The following ATXN2 variants were observed in gnomAD, a reference collection of about 807,000 sequenced individuals.
ATXN2 encodes ataxin 2, also known as ataxin-2.
In ATXN2, 37 loss-of-function variants were observed where a neutral mutation model predicts 138.6. The ratio of observed to expected loss-of-function variants is 0.27; its 90% CI spans 0.21 to 0.35. The LOEUF (loss-of-function observed/expected upper bound fraction) is 0.35, where lower values mean the gene tolerates loss of function less well. Ranked by LOEUF, ATXN2 falls within the 10% of genes least tolerant of loss-of-function variation. The pLI is 1.00. For synonymous variants in ATXN2, 549 were observed against 543.7 expected (o/e 1.01, Z -0.13); for missense variants, 1,216 against 1,480.3 (o/e 0.82, Z 2.93).
intron 18 of ATXN2, among the ~76,000 whole-genome samples, chr12:111,475,800 G>A (rs11065918): frequency 6.6e-6 from 1 of 152,080 alleles, no homozygotes; most frequent in African/African-American, 2.4e-5. Context: ...GAGTGGATGA[G>A]AAGGTAGTCC....
chr12:111,533,789 A>G (rs1880984854), intron 5 of ATXN2, among the ~76,000 whole-genome samples: 1 of 152,142 alleles, frequency 6.6e-6, no homozygotes, highest in African/African-American at 2.4e-5. Context: ...AGCCTCCCTA[A>G]GTGCTGGAAT....
rs1874857318 is a variant in ATXN2, at chr12:111,453,773, G to A, written c.3343C>T (p.Pro1115Ser). 1.2e-6 allele frequency: 2 copies of A among 1,614,160 alleles called. No homozygotes were observed. Among genetic ancestry groups the A allele is most frequent in the Non-Finnish European group, 8.5e-7 (1 of 1,180,000 alleles). ...AGGGCGGCCTGGGGACCGCCGGGTG[G>A]CTGTGTCGTCATTAGCATCATTGGC... ...HAPMMLMTTQPPGGPQAALAQ... is the reference protein window; with the variant it reads ...HAPMMLMTTQSPGGPQAALAQ... The change falls in exon 24 of 25, where the codon CCA (proline) becomes TCA (serine). Residue 1115 changes from proline to serine, a missense_variant. By Grantham distance (74) the Pro-to-Ser change is moderately conservative. Coordinates refer to ENST00000673436, the MANE Select transcript of ATXN2 (RefSeq NM_001372574.1). This position sits in a 1 kb window ranked among gnomAD's most constrained non-coding sequence, Gnocchi z 5.4.
rs1233666878 is a variant in ATXN2, at chr12:111,513,254, A to G, written c.1558+103T>C. 3.0e-6 allele frequency: 4 copies of G among 1,311,884 alleles called. No individual in the cohort carries two copies. The Admixed American group carries it at 1.1e-4, about 35-fold the overall frequency. 81.3% of individuals were successfully genotyped at this position (1,311,884 alleles called of 1,614,324 possible). A position where few individuals can be genotyped will look rare whatever the true frequency, so the allele number is the denominator to read the frequency against. ...TCCTGGTGATTCTACTATTTTTAACATATACATACTTACACTTCCTCAAAC... is the reference window on the plus strand; with the variant it reads ...TCCTGGTGATTCTACTATTTTTAACGTATACATACTTACACTTCCTCAAAC... On this transcript the variant is annotated intron_variant, in intron 11 of 24. Coordinates refer to ENST00000673436, the MANE Select transcript of ATXN2 (RefSeq NM_001372574.1).
chr12:111,561,817 TTC>T (rs1882703916), intron 1 of ATXN2, among the ~76,000 whole-genome samples: 1 of 151,582 alleles, frequency 6.6e-6, no homozygotes, highest in African/African-American at 2.4e-5. Flanking sequence ...GACTCCGTCT[TTC>T]TGTTTTTTTT....
At position 111,485,770 on chromosome 12, in the gene ATXN2, C is replaced by T. The variant is rs756316577; in HGVS notation, c.2400G>A (p.Gln800=). 5.0e-6 allele frequency: 8 copies of T among 1,614,084 alleles called. No individual in the cohort carries two copies. Among genetic ancestry groups the T allele is most frequent in the African/African-American group, 1.3e-5 (1 of 75,012 alleles). Residue 800 remains glutamine, a synonymous_variant, in exon 17 of 25, where the codon CAG becomes CAA. Coordinates refer to ENST00000673436, the MANE Select transcript of ATXN2 (RefSeq NM_001372574.1). The part of the protein sequence containing the change: ...GHQQPTPVYT[Q]PVCFAPNMMY... ...TCATATTTGGTGCAAAACAAACAGG[C>T]TGAGTATAAACTGGAGTTGGCTGTT...
rs1430249837 is a variant in ATXN2, at chr12:111,456,167, T to C, written c.3132A>G (p.Pro1044=). 1 of 1,614,004 alleles carries C rather than the reference T, an allele frequency of 6.2e-7. No homozygotes were observed. Among genetic ancestry groups the C allele is most frequent in the East Asian group, 2.2e-5 (1 of 44,880 alleles). ...TGTTGGAGGCAGGTGTCATGGAGGG[T>C]GGAGTTGGCGCAAGCCCCGCGTGGT... ...AIYHAGLAPT[P]PSMTPASNTQ... The change falls in exon 23 of 25, where the codon CCA becomes CCG. Residue 1044 remains proline, a synonymous_variant. Transcript: ENST00000673436.
Position 111,485,377 on chromosome 12 carries a change from T to A in ATXN2, c.2458-46A>T. On this transcript the variant is annotated intron_variant, in intron 17 of 24. Coordinates refer to ENST00000673436, the MANE Select transcript of ATXN2 (RefSeq NM_001372574.1). ...AATTAACATTAGGCACCTATGATAA[T>A]AACAAGGTATTCTGTCACTCTTAGT... 3 of 1,513,094 alleles carry A rather than the reference T, an allele frequency of 2.0e-6. No individual in the cohort carries two copies. The South Asian group carries it at 3.4e-5, about 17-fold the overall frequency. The allele number at this position is 1,513,094 out of a possible 1,614,324, so 93.7% of individuals were successfully genotyped here.
At chr12:111,586,350 T>G (rs941899648) in intron 1 of ATXN2, among the ~76,000 whole-genome samples, 1 of 150,556 alleles carries the variant, frequency 6.6e-6, no homozygotes, top group South Asian at 2.1e-4. Context: ...GCCTCCCAAG[T>G]AGCTGGGATT....
At chr12:111,519,182 T>C (rs1880022229) in intron 8 of ATXN2, among the ~76,000 whole-genome samples, 1 of 152,184 alleles carries the variant, frequency 6.6e-6, no homozygotes, top group African/African-American at 2.4e-5. Context: ...GCACTAACTG[T>C]TCTCTGTGTC....
chr12:111,465,736 C>T (rs533975624), intron 20 of ATXN2, among the ~76,000 whole-genome samples: 1 of 121,326 alleles, frequency 8.2e-6, no homozygotes, highest in Admixed American at 1.1e-4. Flanking sequence ...CACCGCTGCA[C>T]TTCAGAATGG....
At chr12:111,532,593 T>C (rs2135756518) in intron 5 of ATXN2, among the ~76,000 whole-genome samples, 1 of 152,292 alleles carries the variant, frequency 6.6e-6, no homozygotes, top group East Asian at 1.9e-4. Flanking sequence ...TACTAGTTGT[T>C]TGTTGCCCAT....
chr12:111,526,624 C>T (rs950021765), intron 5 of ATXN2, among the ~76,000 whole-genome samples: 2 of 151,950 alleles, frequency 1.3e-5, no homozygotes, highest in Admixed American at 1.3e-4. Flanking sequence ...AGGCTGGTCT[C>T]GAACTCCTGA....
chr12:111,484,430 T>TTTTG (rs199755294), intron 18 of ATXN2, among the ~76,000 whole-genome samples: 3 of 152,034 alleles, frequency 2.0e-5, no homozygotes, highest in East Asian at 1.9e-4. Flanking sequence ...TTTGTTTGTT[T>TTTTG]TTTGTTTGTT....
intron 14 of ATXN2, among the ~76,000 whole-genome samples, chr12:111,496,983 A>T (rs866351166): frequency 1.3e-5 from 2 of 152,336 alleles, no homozygotes; most frequent in Middle Eastern, 3.4e-3. Flanking sequence ...GACTCAGAAA[A>T]AAAAGAGAAA....
chr12:111,455,769 G>A, intron 23 of ATXN2: 1 of 555,986 alleles, frequency 1.8e-6, no homozygotes, highest in South Asian at 2.0e-5. Flanking sequence ...GAAGGACTGG[G>A]TTGCATTCCA....
intron 5 of ATXN2, among the ~76,000 whole-genome samples, chr12:111,548,530 T>C (rs1881954884): frequency 6.6e-6 from 1 of 152,226 alleles, no homozygotes; most frequent in Non-Finnish European, 1.5e-5. Flanking sequence ...AAGAGAATTA[T>C]AAAAGCTCAG....
At position 111,598,949 on chromosome 12, in the gene ATXN2, GGCTGCT is replaced by G. The variant is rs10560189; in HGVS notation, c.80_85del (p.Gln27_Gln28del). On this transcript the variant is annotated inframe_deletion, in exon 1 of 25. Coordinates refer to ENST00000673436, the MANE Select transcript of ATXN2 (RefSeq NM_001372574.1). The surrounding 1 kb of genome is among the most constrained non-coding windows in gnomAD (Gnocchi z 4.5). The stretch of plus-strand genomic sequence containing the variant: ...GCGGACATTGGCAGCCGCGGGCGGC[GGCTGCT>G]GCTGCTGCTGCTGCTGCTGCTGTTG... 3,783 of 1,234,542 alleles carry G rather than the reference GGCTGCT, an allele frequency of 3.1e-3. No homozygotes were observed. The highest frequency in any genetic ancestry group is 9.1e-3 in the East Asian group (273 of 29,854). The allele number at this position is 1,234,542 out of a possible 1,614,324, so 76.5% of individuals were successfully genotyped here. A position where few individuals can be genotyped will look rare whatever the true frequency, so the allele number is the denominator to read the frequency against.
At chr12:111,507,716 A>G (rs1383150147) in intron 14 of ATXN2, among the ~76,000 whole-genome samples, 1 of 152,252 alleles carries the variant, frequency 6.6e-6, no homozygotes, top group Admixed American at 6.5e-5. Flanking sequence ...TGTGGAATAG[A>G]AAAGGGGGAA....
Position 111,595,677 on chromosome 12 carries a change from GTTCA to G in ATXN2, c.251+3103_251+3106del, listed in dbSNP as rs1884903883. 3.3e-5 allele frequency among the ~76,000 whole-genome samples: 5 copies of G among 149,844 alleles called. No individual in the cohort carries two copies. The Admixed American group carries it at 3.3e-4, about 10-fold the overall frequency. On this transcript the variant is annotated intron_variant, in intron 1 of 24. Transcript: ENST00000673436. ...AAAAAATTTACATTTACAATACAAC[GTTCA>G]GGGGAAAAAAGCTAACTACAAAATA... is the stretch of plus-strand genomic sequence containing the variant.
Sources: gnomAD v4.1 joint callset for allele counts (sites outside exome capture counted in the v4.1 genomes callset) on GRCh38, gnomAD v4.1.1 for gene constraint, Gnocchi (gnomAD v3.1) non-coding constraint, MANE v1.5 for transcripts, NCBI Gene and HGNC (gene_info 2026-07-23, HGNC 2026-07-21) for gene names.